Variants in EPHA3 observed in about 807,000 individuals in gnomAD.
EPHA3 encodes the protein ephrin type-A receptor 3.
EPHA3 carries 42 observed loss-of-function variants against 107.1 expected under a neutral mutation model. That is an observed-to-expected ratio of 0.39 (90% CI 0.31 to 0.51). The LOEUF is 0.51. Among genes scored for constraint, EPHA3 ranks in the 20% least tolerant of loss-of-function variants. EPHA3 has a pLI of 0.78. For missense variants in EPHA3, 1,183 were observed against 1,211.2 expected, an observed-to-expected ratio of 0.98 and a Z score of 0.35; for synonymous variants, 461 against 424.8, an observed-to-expected ratio of 1.09 and a Z score of -1.05.
chr3:89,197,079 C>T (rs1051662130), intron 2 of EPHA3, among the ~76,000 whole-genome samples: 1 of 152,132 alleles, frequency 6.6e-6, no homozygotes, highest in African/African-American at 2.4e-5. Flanking sequence ...TCTATTCAAA[C>T]CCTTTACTAA....
At chr3:89,287,173 T>C (rs1352903082) in intron 3 of EPHA3, among the ~76,000 whole-genome samples, 6 of 152,192 alleles carry the variant, frequency 3.9e-5, no homozygotes, top group East Asian at 1.9e-4. Context: ...TTAGCATTTA[T>C]TGAACGTCAA....
intron 2 of EPHA3, among the ~76,000 whole-genome samples, chr3:89,192,294 C>G (rs1246894218): frequency 6.6e-6 from 1 of 152,222 alleles, no homozygotes; most frequent in East Asian, 1.9e-4. Flanking sequence ...ACATTCAACA[C>G]CTACAATACT....
chr3:89,449,637 A>G (rs1019244068), intron 14 of EPHA3, among the ~76,000 whole-genome samples: 6 of 152,224 alleles, frequency 3.9e-5, no homozygotes, highest in Non-Finnish European at 7.3e-5. Flanking sequence ...AAAGTGACCA[A>G]TAAGATAACC....
intron 5 of EPHA3, among the ~76,000 whole-genome samples, chr3:89,370,512 TG>T (rs1265422247): frequency 7.3e-6 from 1 of 137,212 alleles, no homozygotes; most frequent in East Asian, 2.1e-4. Context: ...TGTTGTGGGG[TG>T]GGAGGAGGGG....
At chr3:89,392,526 A>T (rs1708766047) in intron 5 of EPHA3, among the ~76,000 whole-genome samples, 1 of 151,492 alleles carries the variant, frequency 6.6e-6, no homozygotes, top group African/African-American at 2.4e-5. Flanking sequence ...AATCCCTGAG[A>T]TTTCTCTTCC....
intron 2 of EPHA3, among the ~76,000 whole-genome samples, chr3:89,187,146 A>G (rs777356667): frequency 1.3e-5 from 2 of 151,588 alleles, no homozygotes; most frequent in African/African-American, 2.4e-5. Flanking sequence ...TTTTATGTTC[A>G]TATCCTACCT....
In EPHA3 at chr3:89,210,417, A is replaced by G. The variant is rs745787713; in HGVS notation, c.711A>G (p.Glu237=). 13 of 1,613,592 alleles carry G rather than the reference A, an allele frequency of 8.1e-6. No individual in the cohort carries two copies. In the Admixed American group the frequency reaches 2.2e-4, roughly 27 times the overall value. Residue 237 remains glutamate, a synonymous_variant, in exon 3 of 17, where the codon GAA becomes GAG. Transcript: ENST00000336596. ...CTTGTGTCAACAATTCTAAGGAGGA[A>G]GATCCTCCAAGGATGTACTGCAGTA... ...RGSCVNNSKE[E]DPPRMYCSTE...
At chr3:89,467,986 C>T (rs1200083011) in intron 15 of EPHA3, among the ~76,000 whole-genome samples, 1 of 152,160 alleles carries the variant, frequency 6.6e-6, no homozygotes, top group Admixed American at 6.5e-5. Flanking sequence ...TAAATTTCCC[C>T]TTCAGACCAA....
chr3:89,267,359 A>G (rs1705561729), intron 3 of EPHA3, among the ~76,000 whole-genome samples: 1 of 152,172 alleles, frequency 6.6e-6, no homozygotes, highest in Non-Finnish European at 1.5e-5. Context: ...CTCAAAGCAT[A>G]TAATTAATTA....
intron 11 of EPHA3, among the ~76,000 whole-genome samples, chr3:89,420,671 T>C (rs1709335726): frequency 6.6e-6 from 1 of 151,474 alleles, no homozygotes; most frequent in South Asian, 2.1e-4. Flanking sequence ...TGAGCAAGGC[T>C]ATACTGTTTT....
At chr3:89,367,730 C>T (rs1310632014) in intron 5 of EPHA3, among the ~76,000 whole-genome samples, 1 of 150,480 alleles carries the variant, frequency 6.6e-6, no homozygotes, top group African/African-American at 2.4e-5. Flanking sequence ...ATTTGGTAAC[C>T]TTCACCTAAA....
At chr3:89,260,516 T>G (rs1267561681) in intron 3 of EPHA3, among the ~76,000 whole-genome samples, 1 of 152,192 alleles carries the variant, frequency 6.6e-6, no homozygotes, top group African/African-American at 2.4e-5. Context: ...TTTTGCCCAT[T>G]TTTAAATCAG....
At chr3:89,344,280 G>C (rs1166257215) in intron 5 of EPHA3, among the ~76,000 whole-genome samples, 3 of 151,990 alleles carry the variant, frequency 2.0e-5, no homozygotes, top group African/African-American at 7.3e-5. Context: ...CCAAGATCAG[G>C]CCAAGACATT....
At chr3:89,476,191 A>G (rs1363894159) in intron 16 of EPHA3, among the ~76,000 whole-genome samples, 2 of 137,858 alleles carry the variant, frequency 1.5e-5, no homozygotes, top group African/African-American at 6.4e-5. Context: ...ATAAACATGT[A>G]TATATATATA....
At chr3:89,385,635 G>A (rs1163259143) in intron 5 of EPHA3, among the ~76,000 whole-genome samples, 2 of 152,120 alleles carry the variant, frequency 1.3e-5, no homozygotes, top group African/African-American at 4.8e-5. Context: ...TGTGAGAGAA[G>A]ACTAATATAG....
At chr3:89,319,729 T>A (rs1026838421) in intron 3 of EPHA3, among the ~76,000 whole-genome samples, 6 of 151,956 alleles carry the variant, frequency 3.9e-5, no homozygotes, top group African/African-American at 1.4e-4. Flanking sequence ...TGACCTAAAC[T>A]GATGCCATAA....
chr3:89,142,075 C>T (rs1402372869), intron 2 of EPHA3, among the ~76,000 whole-genome samples: 2 of 151,068 alleles, frequency 1.3e-5, no homozygotes, highest in Non-Finnish European at 3.0e-5. Flanking sequence ...ATATTGTATG[C>T]TATTTGCTAT....
intron 3 of EPHA3, among the ~76,000 whole-genome samples, chr3:89,252,331 T>C (rs1287969976): frequency 6.6e-6 from 1 of 152,226 alleles, no homozygotes; most frequent in Non-Finnish European, 1.5e-5. Flanking sequence ...GAATATTTTA[T>C]ATTTTTTGGC....
chr3:89,390,881 G>T (rs893804501), intron 5 of EPHA3, among the ~76,000 whole-genome samples: 4 of 149,124 alleles, frequency 2.7e-5, no homozygotes, highest in Non-Finnish European at 5.9e-5. Flanking sequence ...TCCGCCTCCC[G>T]GGTTCATCTG....
Sources: gnomAD v4.1 joint callset for allele counts (sites outside exome capture counted in the v4.1 genomes callset) on GRCh38, gnomAD v4.1.1 for gene constraint, MANE v1.5 for transcripts, NCBI Gene and HGNC (gene_info 2026-07-23, HGNC 2026-07-21) for gene names.